TTC6: variants seen among roughly 807,000 people sequenced by gnomAD.
TTC6 encodes the protein tetratricopeptide repeat protein 6.
In TTC6, 172 loss-of-function variants were observed where a neutral mutation model predicts 210.4. That is an observed-to-expected ratio of 0.82 (90% CI 0.72 to 0.93). TTC6 has a LOEUF of 0.93. Among genes scored for constraint, TTC6 ranks in the 40% least tolerant of loss-of-function variants. The pLI, the probability that TTC6 is intolerant of heterozygous loss-of-function variation, is 0.00. For synonymous variants in TTC6, 804 were observed against 819.6 expected (o/e 0.98, Z 0.32); for missense variants, 2,414 against 2,318.1 (o/e 1.04, Z -0.85).
rs143681648 is a variant in TTC6, at chr14:37,810,310, G to A, written c.4569+1464G>A. Among the ~76,000 whole-genome samples the A allele has an allele frequency of 1.2e-4, 19 of 152,306 alleles. No individual in the cohort carries two copies. The East Asian group carries it at 3.1e-3, about 25-fold the overall frequency. ...GTAACCCTGAATAGGAAAACAATGG[G>A]CTGGGCGAGGAGGGAACACCCATTG... On this transcript the variant is annotated intron_variant, in intron 24 of 30. Coordinates refer to ENST00000553443, the Ensembl canonical transcript of TTC6.
At chr14:37,732,748 G>A (rs548403231) in intron 7 of TTC6, among the ~76,000 whole-genome samples, 1 of 151,524 alleles carries the variant, frequency 6.6e-6, no homozygotes, top group African/African-American at 2.4e-5. Flanking sequence ...CTCCCGAGTA[G>A]CTGGGACTAC....
chr14:37,756,742 G>T (rs749951120), intron 14 of TTC6, among the ~76,000 whole-genome samples: 6 of 152,130 alleles, frequency 3.9e-5, no homozygotes, highest in Non-Finnish European at 7.3e-5. Context: ...TGTTGGATTT[G>T]GTTTGCCAGT....
At chr14:37,812,745 C>T (rs1566969722) in intron 25 of TTC6, among the ~76,000 whole-genome samples, 1 of 152,118 alleles carries the variant, frequency 6.6e-6, no homozygotes. Context: ...GTAATGTGTA[C>T]TCTGCTGTTT....
At chr14:37,797,818 TA>T (rs1245380456) in intron 20 of TTC6, among the ~76,000 whole-genome samples, 1 of 152,104 alleles carries the variant, frequency 6.6e-6, no homozygotes, top group East Asian at 1.9e-4. Context: ...ATCTTAAGAT[TA>T]TTCTTTTTTA....
chr14:37,810,914 T>A (rs1251748391), intron 24 of TTC6, among the ~76,000 whole-genome samples: 2 of 152,176 alleles, frequency 1.3e-5, no homozygotes, highest in Admixed American at 1.3e-4. Context: ...TGACATACAA[T>A]CAAAATATTT....
At chr14:37,820,956 TCTC>T (rs147457513) in intron 26 of TTC6, among the ~76,000 whole-genome samples, 13 of 144,924 alleles carry the variant, frequency 9.0e-5, no homozygotes, top group South Asian at 2.2e-4. Flanking sequence ...TCCTCCTCCT[TCTC>T]CTCCTCCTCC....
chr14:37,749,157 A>C, exon 11 of TTC6: 3 of 1,535,440 alleles, frequency 2.0e-6, no homozygotes, highest in Non-Finnish European at 2.6e-6. Context: ...AAAGAGAAAG[A>C]TGATAAAATA....
At position 37,658,101 on chromosome 14, in the gene TTC6, A is replaced by T. The variant is rs1385626071; in HGVS notation, c.940-22050A>T. On this transcript the variant is annotated intron_variant, in intron 1 of 30. Transcript: ENST00000553443. ...TAGGCACTTATATAACAAGAGAGAA[A>T]ATAATTTCCACAAATTTTTAATTGA... Among the ~76,000 whole-genome samples, 10 of 152,216 alleles carry T rather than the reference A, an allele frequency of 6.6e-5. No individual in the cohort carries two copies. The East Asian group carries it at 1.9e-3, about 29-fold the overall frequency.
intron 14 of TTC6, among the ~76,000 whole-genome samples, chr14:37,774,083 T>C (rs1279717511): frequency 6.6e-6 from 1 of 152,170 alleles, no homozygotes; most frequent in South Asian, 2.1e-4. Context: ...TATGGAGGAA[T>C]GATACTTCTT....
At chr14:37,722,250 C>T (rs1380454198) in intron 6 of TTC6, among the ~76,000 whole-genome samples, 1 of 152,118 alleles carries the variant, frequency 6.6e-6, no homozygotes, top group African/African-American at 2.4e-5. Context: ...TGCTATGCAA[C>T]AGCCATTGTC....
chr14:37,841,839 T>C lies in TTC6; in HGVS notation c.5524+169T>C, dbSNP rs956842313. On this transcript the variant is annotated intron_variant, in intron 30 of 30. Coordinates refer to ENST00000553443, the Ensembl canonical transcript of TTC6. ...AATCGATATAGGTTCCTTTATGTAATGTCTTAACTTAAAGCTGTGGTAAAC... is the reference window on the plus strand; with the variant it reads ...AATCGATATAGGTTCCTTTATGTAACGTCTTAACTTAAAGCTGTGGTAAAC... 8 of 655,566 alleles carry C rather than the reference T, an allele frequency of 1.2e-5. No homozygotes were observed. In the Admixed American group the frequency reaches 2.9e-4, roughly 23 times the overall value. The allele number at this position is 655,566 out of a possible 1,614,324, so 40.6% of individuals were successfully genotyped here.
chr14:37,675,764 T>TA (rs956482384), intron 1 of TTC6, among the ~76,000 whole-genome samples: 1 of 148,574 alleles, frequency 6.7e-6, no homozygotes, highest in Non-Finnish European at 1.5e-5. Context: ...TTTTTTTTTT[T>TA]ATAGCCATCC....
chr14:37,816,943 C>T (rs1299994063), intron 25 of TTC6, among the ~76,000 whole-genome samples: 1 of 152,128 alleles, frequency 6.6e-6, no homozygotes, highest in Non-Finnish European at 1.5e-5. Context: ...TTTGAAACAG[C>T]CTCTTCCTAG....
chr14:37,789,209 CAAAT>C (rs1042669638), intron 15 of TTC6, among the ~76,000 whole-genome samples: 1 of 152,046 alleles, frequency 6.6e-6, no homozygotes, highest in Non-Finnish European at 1.5e-5. Context: ...TTTAAAGTGC[CAAAT>C]AAGAAGTGTC....
intron 1 of TTC6, 118 bp downstream of exon 3, chr14:37,623,121 C>A: frequency 1.5e-6 from 1 of 688,558 alleles, no homozygotes; most frequent in Non-Finnish European, 2.2e-6. Context: ...TGTATTATAA[C>A]ACAAAAACAC....
At chr14:37,599,961 C>T (rs968197418) in intron 1 of TTC6, among the ~76,000 whole-genome samples, 1 of 152,180 alleles carries the variant, frequency 6.6e-6, no homozygotes, top group Non-Finnish European at 1.5e-5. Flanking sequence ...CAGCCCCAGC[C>T]GGTCCCTCCT....
At chr14:37,807,615 A>T (rs538041984) in intron 23 of TTC6, among the ~76,000 whole-genome samples, 155 bp downstream of exon 25, 1 of 152,222 alleles carries the variant, frequency 6.6e-6, no homozygotes, top group African/African-American at 2.4e-5. Flanking sequence ...TTCCCAATTC[A>T]TATTTTTTTC....
intron 1 of TTC6, among the ~76,000 whole-genome samples, chr14:37,636,410 T>G (rs2095680831): frequency 6.6e-6 from 1 of 152,186 alleles, no homozygotes; most frequent in Admixed American, 6.5e-5. Context: ...GAATTGAAAC[T>G]ATATAGACTG....
intron 16 of TTC6, 122 bp from the exon 19 acceptor site, chr14:37,792,142 A>G: frequency 1.3e-6 from 1 of 790,148 alleles, no homozygotes; most frequent in Non-Finnish European, 1.8e-6. Flanking sequence ...TCCTTTGTAA[A>G]ACATTAAAAA....
Sources: allele counts gnomAD v4.1 joint callset (sites outside exome capture counted in the v4.1 genomes callset), GRCh38; gene constraint gnomAD v4.1.1; transcripts MANE v1.5; gene names NCBI Gene and HGNC (gene_info 2026-07-23, HGNC 2026-07-21).